The following NFIB variants were observed in gnomAD, a reference collection of about 807,000 sequenced individuals.
The protein encoded by NFIB is nuclear factor 1 B-type.
Under a neutral mutation model 61.5 loss-of-function variants are expected in NFIB, and 11 were observed. That is an observed-to-expected ratio of 0.18 (90% CI 0.11 to 0.30). The LOEUF (loss-of-function observed/expected upper bound fraction) is 0.30, where lower values mean the gene tolerates loss of function less well. NFIB is among the 10% of genes least tolerant of loss of function. NFIB has a pLI of 1.00. For missense variants in NFIB, 471 were observed against 608.9 expected (o/e 0.77, Z 2.38); for synonymous variants, 260 against 216.5 (o/e 1.20, Z -1.76).
In NFIB at chr9:14,125,687, T is replaced by G. The variant is rs968879420; in HGVS notation, c.1005A>C (p.Arg335Ser). 2.5e-6 allele frequency: 4 copies of G among 1,614,092 alleles called. No individual in the cohort carries two copies. Among genetic ancestry groups the G allele is most frequent in the Non-Finnish European group, 2.5e-6 (3 of 1,180,000 alleles). Reference protein sequence around the residue: ...SSASPQDSSPRLSTFPQHHHP... With the variant: ...SSASPQDSSPSLSTFPQHHHP... ...GGTGGTGCTGGGGGAAAGTGCTCAG[T>G]CTTGGGGAAGAATCCTGTGGAGATG... The change falls in exon 7 of 11, where the codon AGA (arginine) becomes AGC (serine). Residue 335 changes from arginine to serine, a missense_variant. By Grantham distance (110) the Arg-to-Ser change is moderately radical (BLOSUM62 -1). Coordinates refer to ENST00000380953, the MANE Select transcript of NFIB (RefSeq NM_001190737.2).
At chr9:14,445,261 T>C in the NFIB span, among the ~76,000 whole-genome samples, 1 of 152,164 alleles carries the variant, frequency 6.6e-6, no homozygotes, top group Non-Finnish European at 1.5e-5. Context: ...ATACATATCA[T>C]TGCAAATAGT....
intron 1 of NFIB, among the ~76,000 whole-genome samples, chr9:14,359,070 AGTTGGCCATGGTAGCAGC>A (rs1588364878): frequency 6.6e-6 from 1 of 152,218 alleles, no homozygotes; most frequent in African/African-American, 2.4e-5. Flanking sequence ...GATAGCTTGA[AGTTGGCCATGGTAGCAGC>A]GTTTACACTA....
the NFIB span, among the ~76,000 whole-genome samples, chr9:14,421,379 G>A: frequency 6.6e-6 from 1 of 152,134 alleles, no homozygotes; most frequent in African/African-American, 2.4e-5. Flanking sequence ...AGTCTGAGGA[G>A]GGCTAAAAGC....
rs1390505071 is a variant in NFIB, at chr9:14,313,599, G to A, written c.-88C>T. Reference sequence around the variant, plus strand: ...TCATCTATTCATTTTACAGTCATCTGAGCCCCGCGATGCGATCAATCAGGA... The same window carrying A: ...TCATCTATTCATTTTACAGTCATCTAAGCCCCGCGATGCGATCAATCAGGA... On this transcript the variant is annotated 5_prime_UTR_variant, in exon 1 of 11. Transcript: ENST00000380953. The surrounding 1 kb of genome is among the most constrained non-coding windows in gnomAD (Gnocchi z 4.5). The A allele has an allele frequency of 2.5e-6, 4 of 1,606,856 alleles. No homozygotes were observed. The Admixed American group carries it at 5.0e-5, about 20-fold the overall frequency.
chr9:14,376,137 T>G (rs4741367), intron 1 of NFIB, among the ~76,000 whole-genome samples: 83,540 of 152,066 alleles, frequency 0.55, 26,393 homozygotes, highest in Middle Eastern at 0.76. Flanking sequence ...CATAGCACAC[T>G]ACAGTCTTAA....
chr9:14,196,776 C>A (rs1034564688), intron 2 of NFIB, among the ~76,000 whole-genome samples: 2 of 151,522 alleles, frequency 1.3e-5, no homozygotes, highest in Non-Finnish European at 2.9e-5. Context: ...AAAGAAAAAT[C>A]AGACTACTTA....
At chr9:14,215,839 CA>C (rs1267735022) in intron 2 of NFIB, among the ~76,000 whole-genome samples, 1 of 152,154 alleles carries the variant, frequency 6.6e-6, no homozygotes, top group Non-Finnish European at 1.5e-5. Context: ...CTTTGTAATT[CA>C]GATAAATGAC....
chr9:14,351,150 A>G (rs1217916836), intron 1 of NFIB, among the ~76,000 whole-genome samples: 4 of 152,192 alleles, frequency 2.6e-5, no homozygotes, highest in East Asian at 3.9e-4. Context: ...GGAGAGGATC[A>G]TGTTTGGGCA....
chr9:14,500,130 G>A, the NFIB span, among the ~76,000 whole-genome samples: 2 of 152,134 alleles, frequency 1.3e-5, no homozygotes, highest in Admixed American at 1.3e-4. Context: ...TCCAGCATAT[G>A]TAGGTACTGT....
At chr9:14,218,918 A>G (rs560328803) in intron 2 of NFIB, among the ~76,000 whole-genome samples, 17 of 152,300 alleles carry the variant, frequency 1.1e-4, no homozygotes, top group Non-Finnish European at 2.1e-4. Flanking sequence ...GAAGTACCAC[A>G]TGGAGAAACA....
chr9:14,199,909 G>A (rs10810111), intron 2 of NFIB, among the ~76,000 whole-genome samples: 128,230 of 151,704 alleles, frequency 0.85, 54,471 homozygotes, highest in South Asian at 0.95. Flanking sequence ...ATTTCTGTAT[G>A]TACTAGCATA....
At chr9:14,397,153 G>A (rs1397853851) in intron 1 of NFIB, among the ~76,000 whole-genome samples, 1 of 152,088 alleles carries the variant, frequency 6.6e-6, no homozygotes, top group Non-Finnish European at 1.5e-5. Flanking sequence ...GATATTAGAT[G>A]GGCAATAGTG....
intron 3 of NFIB, among the ~76,000 whole-genome samples, chr9:14,159,120 G>A (rs557716468): frequency 6.6e-6 from 1 of 152,270 alleles, no homozygotes; most frequent in African/African-American, 2.4e-5. Flanking sequence ...AAGAAGGGAT[G>A]AGTCAGCTCA....
intron 6 of NFIB, among the ~76,000 whole-genome samples, chr9:14,144,056 G>A (rs1442619300): frequency 7.4e-6 from 1 of 135,644 alleles, no homozygotes; most frequent in Non-Finnish European, 1.6e-5. Flanking sequence ...TTTGAGAATG[G>A]AATATTCTTC....
chr9:14,082,429 A>G lies in NFIB; in HGVS notation c.*5880T>C, dbSNP rs1350875262. On this transcript the variant is annotated 3_prime_UTR_variant, in exon 11 of 11. Coordinates refer to ENST00000380953, the MANE Select transcript of NFIB (RefSeq NM_001190737.2). ...TGAGGTGGGGGCAGCTCTTCCCAGG[A>G]TGCTAAAAGTTCTATATGATATAAG... is the stretch of plus-strand genomic sequence containing the variant. 1 of 203,722 alleles carries G rather than the reference A, an allele frequency of 4.9e-6. No individual in the cohort carries two copies. The highest frequency in any genetic ancestry group is 1.0e-5 in the Non-Finnish European group (1 of 99,096). 12.6% of individuals were successfully genotyped at this position (203,722 alleles called of 1,614,324 possible).
intron 3 of NFIB, among the ~76,000 whole-genome samples, chr9:14,171,598 G>T (rs2045570659): frequency 6.6e-6 from 1 of 152,066 alleles, no homozygotes; most frequent in Non-Finnish European, 1.5e-5. Flanking sequence ...GGATAAGGAA[G>T]AAAAAGGGTT....
chr9:14,240,445 A>G (rs1439892748), intron 2 of NFIB, among the ~76,000 whole-genome samples: 3 of 152,186 alleles, frequency 2.0e-5, no homozygotes, highest in Non-Finnish European at 4.4e-5. Context: ...CGCATTATAA[A>G]TGGTGTGAAA....
At chr9:14,296,090 G>GT (rs1378239463) in intron 2 of NFIB, among the ~76,000 whole-genome samples, 2 of 152,144 alleles carry the variant, frequency 1.3e-5, no homozygotes, top group Non-Finnish European at 2.9e-5. Context: ...TTCCTCTTTG[G>GT]TATGTCTTGT....
At chr9:14,230,847 G>C (rs1301727430) in intron 2 of NFIB, among the ~76,000 whole-genome samples, 1 of 151,984 alleles carries the variant, frequency 6.6e-6, no homozygotes, top group Non-Finnish European at 1.5e-5. Flanking sequence ...AAGAATTGGA[G>C]ACATTTTTCC....
Sources: gnomAD v4.1 joint callset for allele counts (sites outside exome capture counted in the v4.1 genomes callset) on GRCh38, gnomAD v4.1.1 for gene constraint, Gnocchi (gnomAD v3.1) non-coding constraint, MANE v1.5 for transcripts, NCBI Gene and HGNC (gene_info 2026-07-23, HGNC 2026-07-21) for gene names.